The following ESR1 variants were observed in gnomAD, a reference collection of about 807,000 sequenced individuals.
ESR1 encodes the protein estrogen receptor.
Under a neutral mutation model 52.7 loss-of-function variants are expected in ESR1, and 12 were observed. That is an observed-to-expected ratio of 0.23 (90% CI 0.15 to 0.37). ESR1 has a LOEUF of 0.37. Among genes scored for constraint, ESR1 ranks in the 10% least tolerant of loss-of-function variants. ESR1 has a pLI of 1.00. For missense variants in ESR1, 584 were observed against 779.7 expected (o/e 0.75, Z 2.99); for synonymous variants, 305 against 316.8 (o/e 0.96, Z 0.39).
chr6:151,854,573 A>G (rs745457644), intron 2 of ESR1, among the ~76,000 whole-genome samples: 3 of 152,194 alleles, frequency 2.0e-5, no homozygotes, highest in Admixed American at 6.5e-5. Flanking sequence ...GAGTATGTGG[A>G]CTTTCAATTT....
At chr6:151,963,004 A>T (rs1201054563) in intron 4 of ESR1, among the ~76,000 whole-genome samples, 3 of 152,036 alleles carry the variant, frequency 2.0e-5, no homozygotes. Flanking sequence ...TTCTCTGAGG[A>T]TATTCATTAT....
intron 4 of ESR1, among the ~76,000 whole-genome samples, chr6:151,947,725 G>A (rs1211480848): frequency 1.3e-5 from 2 of 152,136 alleles, no homozygotes; most frequent in Non-Finnish European, 2.9e-5. Context: ...ACAAGTGTGA[G>A]AGTCAAGTTC....
intron 2 of ESR1, among the ~76,000 whole-genome samples, chr6:151,707,019 C>T (rs962323410): frequency 6.6e-6 from 1 of 152,050 alleles, no homozygotes; most frequent in African/African-American, 2.4e-5. Flanking sequence ...GGGATGTAAG[C>T]CGTGTGTTTA....
At chr6:152,066,529 G>A (rs3778082) in intron 6 of ESR1, among the ~76,000 whole-genome samples, 33,190 of 152,114 alleles carry the variant, frequency 0.22, 5,269 homozygotes, top group African/African-American at 0.43. Flanking sequence ...ATTGGATTCT[G>A]TTCTCTCTGG....
intron 5 of ESR1, among the ~76,000 whole-genome samples, chr6:152,050,311 T>C (rs1195827065): frequency 6.6e-6 from 1 of 152,208 alleles, no homozygotes; most frequent in African/African-American, 2.4e-5. Context: ...GCTTTCAGTC[T>C]CATACCAACC....
chr6:151,913,552 T>C (rs1435005748), intron 3 of ESR1, among the ~76,000 whole-genome samples: 4 of 152,232 alleles, frequency 2.6e-5, no homozygotes, highest in African/African-American at 9.6e-5. Context: ...CCTTGACAGG[T>C]AAGCCAGTTA....
At chr6:151,818,793 GTATATACACA>G (rs1160324907) in intron 1 of ESR1, among the ~76,000 whole-genome samples, 4 of 146,682 alleles carry the variant, frequency 2.7e-5, no homozygotes, top group African/African-American at 5.4e-5. Context: ...CCTAAAGTGT[GTATATACACA>G]TATATACACA....
chr6:151,889,122 A>T (rs1344407291), intron 3 of ESR1, among the ~76,000 whole-genome samples: 1 of 152,158 alleles, frequency 6.6e-6, no homozygotes, highest in Non-Finnish European at 1.5e-5. Context: ...TTGGCATGAC[A>T]TTTAATTTTC....
chr6:151,666,754 T>C (rs1372225176), intron 1 of ESR1, among the ~76,000 whole-genome samples: 2 of 128,886 alleles, frequency 1.6e-5, no homozygotes, highest in Non-Finnish European at 1.6e-5. Flanking sequence ...AGGGAACATA[T>C]AGTTGGCAGC....
At chr6:152,104,657 A>C (rs1411125863), downstream of ESR1, among the ~76,000 whole-genome samples, 1 of 151,996 alleles carries the variant, frequency 6.6e-6, no homozygotes, top group Non-Finnish European at 1.5e-5. Flanking sequence ...AATTTCTAAA[A>C]CTCTTGTAGA....
At chr6:152,043,599 C>T (rs1274921669) in intron 5 of ESR1, among the ~76,000 whole-genome samples, 1 of 152,164 alleles carries the variant, frequency 6.6e-6, no homozygotes, top group African/African-American at 2.4e-5. Context: ...CTGGCAACTG[C>T]CTCAAGGGAG....
intron 4 of ESR1, among the ~76,000 whole-genome samples, chr6:152,004,172 G>A (rs183514826): frequency 1.5e-4 from 23 of 152,048 alleles, no homozygotes; most frequent in Admixed American, 3.3e-4. Context: ...CTACAATATG[G>A]TACACACACA....
intron 4 of ESR1, among the ~76,000 whole-genome samples, chr6:151,955,701 T>A (rs2036824449): frequency 6.6e-6 from 1 of 152,202 alleles, no homozygotes; most frequent in South Asian, 2.1e-4. Context: ...TGAACTCCTG[T>A]GTGCTAGGAA....
At chr6:151,871,460 G>C (rs1790955537) in intron 2 of ESR1, among the ~76,000 whole-genome samples, 1 of 152,078 alleles carries the variant, frequency 6.6e-6, no homozygotes, top group Non-Finnish European at 1.5e-5. Context: ...CTGGAGTGCA[G>C]TGGTGCAATC....
intron 2 of ESR1, among the ~76,000 whole-genome samples, chr6:151,771,974 T>G (rs1420185108): frequency 6.6e-6 from 1 of 152,242 alleles, no homozygotes; most frequent in Non-Finnish European, 1.5e-5. Context: ...CCTGCTTTTC[T>G]CAGGAGGTTG....
intron 4 of ESR1, among the ~76,000 whole-genome samples, chr6:152,006,106 A>G (rs1206468282): frequency 1.3e-5 from 2 of 152,030 alleles, no homozygotes; most frequent in Non-Finnish European, 2.9e-5. Context: ...TTCAAGAGAA[A>G]GCTCATGTTC....
At chr6:152,082,427 A>C (rs1222307698) in intron 6 of ESR1, among the ~76,000 whole-genome samples, 2 of 152,222 alleles carry the variant, frequency 1.3e-5, no homozygotes, top group African/African-American at 4.8e-5. Flanking sequence ...TCTTGCTAAA[A>C]ACTCTAAATA....
At chr6:151,762,358 A>G (rs118174372) in intron 2 of ESR1, among the ~76,000 whole-genome samples, 11 of 152,332 alleles carry the variant, frequency 7.2e-5, no homozygotes, top group Non-Finnish European at 1.5e-4. Flanking sequence ...TGAAACTGTT[A>G]TAGGCTTTGC....
rs180700627 is a variant in ESR1 at position 151,833,990 on chromosome 6, A to C, written c.453-8607A>C. ...CATTAGAGAAATGCAAATCAAAACC[A>C]CAATGATATACCATCTCACGCCAGT... is the stretch of plus-strand genomic sequence containing the variant. On this transcript the variant is annotated intron_variant, in intron 1 of 7. Coordinates refer to ENST00000206249, the MANE Select transcript of ESR1 (RefSeq NM_000125.4). 1.5e-4 allele frequency among the ~76,000 whole-genome samples: 23 copies of C among 152,326 alleles called. No homozygotes were observed. The East Asian group carries it at 4.2e-3, about 28-fold the overall frequency.
Sources: allele counts gnomAD v4.1 joint callset (sites outside exome capture counted in the v4.1 genomes callset), GRCh38; gene constraint gnomAD v4.1.1; transcripts MANE v1.5; gene names NCBI Gene and HGNC (gene_info 2026-07-23, HGNC 2026-07-21).